Variants in CFAP299 observed in about 807,000 individuals in gnomAD.
CFAP299 encodes cilia and flagella associated protein 299.
Under a neutral mutation model 27.0 loss-of-function variants are expected in CFAP299, and 21 were observed. The ratio of observed to expected loss-of-function variants is 0.78; its 90% CI spans 0.55 to 1.12. The LOEUF is 1.12. Ranked by LOEUF, CFAP299 falls within the 50% of genes most tolerant of loss-of-function variation. CFAP299 has a pLI of 0.00. For synonymous variants in CFAP299, 104 were observed against 98.1 expected (o/e 1.06, Z -0.36); for missense variants, 310 against 276.6 (o/e 1.12, Z -0.86).
At chr4:80,854,810 G>GA (rs58533748) in intron 3 of CFAP299, among the ~76,000 whole-genome samples, 1,626 of 43,348 alleles carry the variant, frequency 0.038, 202 homozygotes, top group African/African-American at 0.052. Flanking sequence ...CTGTTGCTAT[G>GA]AAAAAAAAAA....
intron 1 of CFAP299, among the ~76,000 whole-genome samples, chr4:80,362,468 C>A (rs1723596965): frequency 1.3e-5 from 2 of 151,556 alleles, no homozygotes; most frequent in South Asian, 2.1e-4. Context: ...ATTAAAAACA[C>A]AACAGACTTT....
intron 2 of CFAP299, among the ~76,000 whole-genome samples, chr4:80,481,492 T>C (rs1730567514): frequency 6.6e-6 from 1 of 152,138 alleles, no homozygotes; most frequent in Admixed American, 6.5e-5. Context: ...TCTATTTTAC[T>C]GGCTTTTTAA....
intron 2 of CFAP299, among the ~76,000 whole-genome samples, chr4:80,379,880 T>C (rs1260332645): frequency 6.6e-6 from 1 of 152,102 alleles, no homozygotes; most frequent in Non-Finnish European, 1.5e-5. Flanking sequence ...TGTAGGTGTA[T>C]TTTTAGAATT....
chr4:80,800,236 AATATAAT>A (rs1728358741), intron 3 of CFAP299, among the ~76,000 whole-genome samples: 1 of 66,578 alleles, frequency 1.5e-5, no homozygotes, highest in East Asian at 5.2e-4. Flanking sequence ...TATAATAAAT[AATATAAT>A]ATATAATATA....
At chr4:80,782,088 CAGA>C (rs1329390593) in intron 3 of CFAP299, among the ~76,000 whole-genome samples, 1 of 152,062 alleles carries the variant, frequency 6.6e-6, no homozygotes, top group Non-Finnish European at 1.5e-5. Flanking sequence ...CCTATGTGTT[CAGA>C]AGAAGTATGT....
intron 2 of CFAP299, among the ~76,000 whole-genome samples, chr4:80,399,070 G>A (rs1433077710): frequency 6.6e-6 from 1 of 152,164 alleles, no homozygotes; most frequent in Admixed American, 6.5e-5. Flanking sequence ...CATTTATGTA[G>A]CCAGCAGACA....
At chr4:80,795,783 C>T (rs985752188) in intron 3 of CFAP299, among the ~76,000 whole-genome samples, 1 of 152,054 alleles carries the variant, frequency 6.6e-6, no homozygotes, top group African/African-American at 2.4e-5. Flanking sequence ...ACTTGATGAC[C>T]CATAGTCAAA....
chr4:80,890,344 TA>T (rs1560464629), intron 4 of CFAP299, among the ~76,000 whole-genome samples: 1 of 151,720 alleles, frequency 6.6e-6, no homozygotes, highest in Non-Finnish European at 1.5e-5. Context: ...GTGAACAATC[TA>T]AAAAAGAAAT....
At position 80,891,787 on chromosome 4, in the gene CFAP299, A is replaced by T. The variant is rs866160842; in HGVS notation, c.476+21652A>T. On this transcript the variant is annotated intron_variant, in intron 4 of 5. Transcript: ENST00000358105. ...TAATAAAAAAAAAAATTAAAAAAAA[A>T]ATAAAAAAAAAAATAAAAGCTTTGA... is the stretch of plus-strand genomic sequence containing the variant. Among the ~76,000 whole-genome samples the T allele has an allele frequency of 1.5e-3, 185 of 126,430 alleles. 1 individual carries two copies. The highest frequency in any genetic ancestry group is 5.7e-3 in the African/African-American group (165 of 29,086). 82.9% of individuals were successfully genotyped at this position (126,430 alleles called of 152,430 possible).
chr4:80,468,223 CTT>C (rs113555359), intron 2 of CFAP299, among the ~76,000 whole-genome samples: 13 of 143,726 alleles, frequency 9.0e-5, no homozygotes, highest in Admixed American at 1.4e-4. Flanking sequence ...GTTATAATTT[CTT>C]TTTTTTTTTT....
At chr4:80,891,578 A>G (rs1255069242) in intron 4 of CFAP299, among the ~76,000 whole-genome samples, 25 of 106,430 alleles carry the variant, frequency 2.3e-4, no homozygotes, top group African/African-American at 9.3e-4. Flanking sequence ...GATCACTTGG[A>G]CACAGGAAGG....
intron 3 of CFAP299, among the ~76,000 whole-genome samples, chr4:80,800,458 A>AAT (rs1244742141): frequency 2.3e-3 from 23 of 10,136 alleles, no homozygotes; most frequent in African/African-American, 2.7e-3. Flanking sequence ...ATATTAATAT[A>AAT]ATATATAATA....
intron 2 of CFAP299, among the ~76,000 whole-genome samples, chr4:80,385,013 G>A (rs1376556963): frequency 6.6e-6 from 1 of 152,086 alleles, no homozygotes; most frequent in Non-Finnish European, 1.5e-5. Flanking sequence ...AAAAAGTGAT[G>A]TTTTGTTATA....
chr4:80,551,717 G>A (rs1487993386), intron 2 of CFAP299, among the ~76,000 whole-genome samples: 1 of 150,470 alleles, frequency 6.6e-6, no homozygotes, highest in Non-Finnish European at 1.5e-5. Flanking sequence ...TTTAATTTTT[G>A]TGTATAAAAG....
rs537572590 is a variant in CFAP299 at position 80,490,021 on chromosome 4, G to C, written c.243-93072G>C. Among the ~76,000 whole-genome samples, 5 of 152,182 alleles carry C rather than the reference G, an allele frequency of 3.3e-5. No homozygotes were observed. The South Asian group carries it at 1.0e-3, about 32-fold the overall frequency. On this transcript the variant is annotated intron_variant, in intron 2 of 5. Transcript: ENST00000358105. ...GCTTACATTAGTCTCTTGGGGGTTG[G>C]TTAGCAGAAATTAGTATCTCCTGAG...
chr4:80,960,387 T>C (rs1459915570), intron 5 of CFAP299, among the ~76,000 whole-genome samples: 2 of 151,932 alleles, frequency 1.3e-5, no homozygotes, highest in Non-Finnish European at 2.9e-5. Flanking sequence ...ATGTTTGTCA[T>C]TGCTATGATC....
intron 4 of CFAP299, among the ~76,000 whole-genome samples, chr4:80,929,703 T>C (rs1278079131): frequency 1.3e-5 from 2 of 152,130 alleles, no homozygotes; most frequent in African/African-American, 4.8e-5. Context: ...CTTCAATCAA[T>C]TCATCACCCA....
At chr4:80,631,872 C>A (rs543305767) in intron 3 of CFAP299, among the ~76,000 whole-genome samples, 6,223 of 120,460 alleles carry the variant, frequency 0.052, 880 homozygotes, top group African/African-American at 0.17. Context: ...CCACCCCCCC[C>A]CAACCAAATT....
At chr4:80,711,482 C>T (rs915495905) in intron 3 of CFAP299, among the ~76,000 whole-genome samples, 1 of 152,306 alleles carries the variant, frequency 6.6e-6, no homozygotes, top group Admixed American at 6.5e-5. Flanking sequence ...CCCCTCCCCT[C>T]GGACCTCAGT....
Sources: allele counts gnomAD v4.1 joint callset (sites outside exome capture counted in the v4.1 genomes callset), GRCh38; gene constraint gnomAD v4.1.1; transcripts MANE v1.5; gene names NCBI Gene and HGNC (gene_info 2026-07-23, HGNC 2026-07-21).